EIF3E: variants seen among roughly 807,000 people sequenced by gnomAD.
EIF3E encodes eIF-3 p48.
Under a neutral mutation model 59.3 loss-of-function variants are expected in EIF3E, and 25 were observed. The observed-to-expected ratio is 0.42, with a 90% CI of 0.31 to 0.59. The LOEUF is 0.59. Among genes scored for constraint, EIF3E ranks in the 20% least tolerant of loss-of-function variants. EIF3E has a pLI of 0.15. For synonymous variants in EIF3E, 176 were observed against 170.2 expected (o/e 1.03, Z -0.26); for missense variants, 317 against 534.3 (o/e 0.59, Z 4.01).
chr8:108,233,084 C>G (rs1440169012), intron 5 of EIF3E, among the ~76,000 whole-genome samples: 2 of 152,126 alleles, frequency 1.3e-5, no homozygotes, highest in Non-Finnish European at 2.9e-5. Flanking sequence ...CAAAGTAAAA[C>G]TGATGGAATT....
In EIF3E at chr8:108,211,169, C is replaced by T. The variant is rs574953228; in HGVS notation, c.1061+3438G>A. On this transcript the variant is annotated intron_variant, in intron 10 of 12. Coordinates refer to ENST00000220849, the MANE Select transcript of EIF3E (RefSeq NM_001568.3). Reference sequence around the variant, plus strand: ...TAGTTCTAGATCCTTGAGGAATCACCACACTGTCTTCCACAATGGTTGAAC... The same window carrying T: ...TAGTTCTAGATCCTTGAGGAATCACTACACTGTCTTCCACAATGGTTGAAC... Among the ~76,000 whole-genome samples, 3 of 152,274 alleles carry T rather than the reference C, an allele frequency of 2.0e-5. No homozygotes were observed. The East Asian group carries it at 5.8e-4, about 29-fold the overall frequency.
At position 108,214,633 on chromosome 8, in the gene EIF3E, A is replaced by G; in HGVS notation, c.1035T>C (p.Cys345=). 6.2e-7 allele frequency: 1 copy of G among 1,610,362 alleles called. No individual in the cohort carries two copies. Among genetic ancestry groups the G allele is most frequent in the African/African-American group, 1.3e-5 (1 of 74,750 alleles). ...TAATGCTGATACACTGGTGGATGCG[A>G]CAGAAAGTCTCAAATATGAAGAGAC... ...NARLFIFETF[C]RIHQCISINM... is the part of the protein sequence containing the mutation. Residue 345 remains cysteine (C), a synonymous_variant, in exon 10 of 13, where the codon TGT becomes TGC. Transcript: ENST00000220849.
At chr8:108,231,870 T>A (rs1486743877) in intron 5 of EIF3E, 1 of 151,834 alleles carries the variant, frequency 6.6e-6, no homozygotes, top group African/African-American at 2.4e-5. Flanking sequence ...AAGGGCAGAT[T>A]CTAGGGTCAC....
intron 7 of EIF3E, among the ~76,000 whole-genome samples, chr8:108,221,290 C>A (rs1001988856): frequency 2.0e-5 from 3 of 152,134 alleles, no homozygotes; most frequent in South Asian, 2.1e-4. Flanking sequence ...GGGCTATGGG[C>A]ATGAGGCAAT....
At chr8:108,228,798 A>AT (rs1408812396) in intron 6 of EIF3E, among the ~76,000 whole-genome samples, 1 of 152,176 alleles carries the variant, frequency 6.6e-6, no homozygotes, top group Non-Finnish European at 1.5e-5. Context: ...GCATAGTGTC[A>AT]TTTTGACTGG....
intron 7 of EIF3E, among the ~76,000 whole-genome samples, chr8:108,222,064 A>T (rs966518052): frequency 6.6e-6 from 1 of 152,032 alleles, no homozygotes; most frequent in Non-Finnish European, 1.5e-5. Flanking sequence ...CTTTTTAGAG[A>T]TGGAATCTGA....
chr8:108,236,363 G>T (rs1340700791), intron 3 of EIF3E, among the ~76,000 whole-genome samples, 160 bp from the exon 4 acceptor site: 2 of 152,126 alleles, frequency 1.3e-5, no homozygotes, highest in Non-Finnish European at 2.9e-5. Context: ...TACATGTTTT[G>T]AATATAAGAA....
intron 3 of EIF3E, among the ~76,000 whole-genome samples, chr8:108,239,518 G>T (rs1381835810): frequency 6.6e-6 from 1 of 151,830 alleles, no homozygotes; most frequent in Non-Finnish European, 1.5e-5. Flanking sequence ...TTTCTTAATG[G>T]ACATTTTCAG....
At chr8:108,216,988 A>T (rs531817639) in intron 8 of EIF3E, among the ~76,000 whole-genome samples, 1 of 152,314 alleles carries the variant, frequency 6.6e-6, no homozygotes, top group African/African-American at 2.4e-5. Flanking sequence ...ACGGTATTGT[A>T]TATAAAGTTC....
intron 1 of EIF3E, 145 bp from the exon 2 acceptor site, chr8:108,242,058 T>C (rs1815848587): frequency 4.6e-6 from 6 of 1,302,478 alleles, no homozygotes; most frequent in Non-Finnish European, 5.2e-6. Context: ...CTTGTAATAA[T>C]GGCAAGCAAT....
At chr8:108,217,213 T>G (rs1050748094) in intron 8 of EIF3E, 121 bp downstream of exon 8, 1 of 759,052 alleles carries the variant, frequency 1.3e-6, no homozygotes, top group African/African-American at 1.8e-5. Flanking sequence ...ACTTCAAGTA[T>G]TCCTTCCACC....
Position 108,220,125 on chromosome 8 carries a change from C to T in EIF3E, c.723-2665G>A, listed in dbSNP as rs762487343. On this transcript the variant is annotated intron_variant, in intron 7 of 12. Transcript: ENST00000220849. The stretch of plus-strand genomic sequence containing the variant: ...GCCACTGCACTCCAGGCCTGGGCGA[C>T]GGAGCAAGACTCCATCTCCCAAAAA... Among the ~76,000 whole-genome samples the T allele has an allele frequency of 4.7e-5, 7 of 148,906 alleles. No homozygotes were observed. The East Asian group carries it at 6.0e-4, about 13-fold the overall frequency.
chr8:108,237,823 CT>C (rs1815762271), intron 3 of EIF3E, among the ~76,000 whole-genome samples: 1 of 152,098 alleles, frequency 6.6e-6, no homozygotes, highest in African/African-American at 2.4e-5. Context: ...AATCACTGTC[CT>C]CTGGCTGATT....
chr8:108,244,158 A>C (rs2129930092), intron 1 of EIF3E, among the ~76,000 whole-genome samples: 1 of 152,368 alleles, frequency 6.6e-6, no homozygotes, highest in South Asian at 2.1e-4. Context: ...TAACAGTAAA[A>C]GTTTTTGTAA....
In EIF3E at chr8:108,248,680, G is replaced by A; in HGVS notation, c.23C>T (p.Thr8Ile). 1 of 1,614,194 alleles carries A rather than the reference G, an allele frequency of 6.2e-7. No homozygotes were observed. Among genetic ancestry groups the A allele is most frequent in the Non-Finnish European group, 8.5e-7 (1 of 1,180,030 alleles). ...CCGATCCAAAAAGTGCGCGATGCGA[G>A]TAGTCAAGTCGTACTCCGCCATCTT... is the stretch of plus-strand genomic sequence containing the variant. MAEYDLTTRIAHFLDRHL... is the reference protein window; with the variant it reads MAEYDLTIRIAHFLDRHL... Residue 8 changes from threonine (T) to isoleucine (I), a missense_variant, in exon 1 of 13, where the codon ACT becomes ATT. This residue lies in a region of EIF3E where 30 missense variants were observed against 22.2 expected (regional missense o/e 1.35). Transcript: ENST00000220849.
intron 7 of EIF3E, among the ~76,000 whole-genome samples, chr8:108,226,626 T>A (rs1815521421): frequency 6.6e-6 from 1 of 152,194 alleles, no homozygotes; most frequent in Non-Finnish European, 1.5e-5. Flanking sequence ...TCCAATGGCT[T>A]TTCAGTGTAT....
chr8:108,246,809 AT>A (rs1368912028), intron 1 of EIF3E, among the ~76,000 whole-genome samples: 1 of 152,150 alleles, frequency 6.6e-6, no homozygotes, highest in Non-Finnish European at 1.5e-5. Flanking sequence ...AAGTAAATGT[AT>A]TTTCTCTTCC....
intron 10 of EIF3E, among the ~76,000 whole-genome samples, chr8:108,210,871 T>C (rs1046559039): frequency 2.0e-5 from 3 of 152,146 alleles, no homozygotes; most frequent in Non-Finnish European, 4.4e-5. Context: ...CTTGTGATAG[T>C]TTGCTCAGAA....
intron 6 of EIF3E, 105 bp downstream of exon 6, chr8:108,228,965 G>T: frequency 8.2e-7 from 1 of 1,222,098 alleles, no homozygotes; most frequent in Non-Finnish European, 1.1e-6. Context: ...AAGCTAATAT[G>T]AATTTTTTTT....
Sources: allele counts gnomAD v4.1 joint callset (sites outside exome capture counted in the v4.1 genomes callset), GRCh38; gene constraint gnomAD v4.1.1; regional missense constraint gnomAD v4.1.1; transcripts MANE v1.5; gene names NCBI Gene and HGNC (gene_info 2026-07-23, HGNC 2026-07-21).